Variants in COL19A1 observed in about 807,000 individuals in gnomAD.
The protein encoded by COL19A1 is collagen alpha-1(XIX) chain.
COL19A1 carries 159 observed loss-of-function variants against 190.2 expected under a neutral mutation model. That is an observed-to-expected ratio of 0.84 (90% confidence interval 0.73 to 0.95). The LOEUF (loss-of-function observed/expected upper bound fraction) is 0.95, where lower values mean the gene tolerates loss of function less well. Ranked by LOEUF, COL19A1 falls within the 40% of genes least tolerant of loss-of-function variation. The probability of loss-of-function intolerance (pLI) is 0.00; values close to 1 mark genes in which losing one functional copy is unlikely to be tolerated. For synonymous variants in COL19A1, 509 were observed against 458.9 expected, an observed-to-expected ratio of 1.11 and a Z score of -1.39; for missense variants, 1,418 against 1,431.9, an observed-to-expected ratio of 0.99 and a Z score of 0.16.
chr6:70,064,043 G>C (rs1781018004), intron 14 of COL19A1, among the ~76,000 whole-genome samples: 1 of 152,108 alleles, frequency 6.6e-6, no homozygotes, highest in African/African-American at 2.4e-5. Context: ...AATTCTACCA[G>C]AGGTACAAGG....
chr6:70,143,247 C>G (rs1419314293), intron 23 of COL19A1, among the ~76,000 whole-genome samples: 2 of 152,090 alleles, frequency 1.3e-5, no homozygotes, highest in African/African-American at 4.8e-5. Context: ...CTAGCAAAAG[C>G]CTTCCAAAAA....
At chr6:70,036,692 T>C (rs996060782) in intron 14 of COL19A1, among the ~76,000 whole-genome samples, 6 of 152,262 alleles carry the variant, frequency 3.9e-5, no homozygotes, top group African/African-American at 1.4e-4. Flanking sequence ...AGATCTTCTA[T>C]AGCCTGAAGT....
At chr6:69,929,077 T>C (rs1772581300) in intron 5 of COL19A1, among the ~76,000 whole-genome samples, 1 of 151,902 alleles carries the variant, frequency 6.6e-6, no homozygotes, top group Non-Finnish European at 1.5e-5. Context: ...TTATATATCT[T>C]ATAAAATTTT....
At chr6:70,034,202 A>T in intron 12 of COL19A1, 43 bp from the exon 13 acceptor site, 1 of 1,382,336 alleles carries the variant, frequency 7.2e-7, no homozygotes, top group Non-Finnish European at 1.0e-6. Flanking sequence ...GTTAGAAATT[A>T]AAGCTTTCTG....
At chr6:70,142,640 G>C in intron 22 of COL19A1, 127 bp from the exon 23 acceptor site, 1 of 701,334 alleles carries the variant, frequency 1.4e-6, no homozygotes, top group Non-Finnish European at 2.4e-6. Context: ...AAGTGGGAAA[G>C]TGGGATGGTG....
chr6:69,969,302 G>T (rs1354541934), intron 11 of COL19A1, among the ~76,000 whole-genome samples: 10 of 152,100 alleles, frequency 6.6e-5, no homozygotes, highest in Non-Finnish European at 1.5e-4. Flanking sequence ...ATAGTAGTTA[G>T]CTACTGATAT....
intron 40 of COL19A1, among the ~76,000 whole-genome samples, chr6:70,169,145 A>G (rs1203896259): frequency 2.0e-5 from 3 of 152,120 alleles, no homozygotes; most frequent in Non-Finnish European, 2.9e-5. Context: ...GTTTTGTCAT[A>G]AGGCTGCTTA....
chr6:70,088,027 C>G (rs1416496096), intron 15 of COL19A1, among the ~76,000 whole-genome samples: 1 of 152,120 alleles, frequency 6.6e-6, no homozygotes, highest in Non-Finnish European at 1.5e-5. Flanking sequence ...GTTCAGCCAC[C>G]TTCTACGTGC....
At chr6:70,175,570 A>G (rs926521146) in intron 41 of COL19A1, among the ~76,000 whole-genome samples, 1 of 152,012 alleles carries the variant, frequency 6.6e-6, no homozygotes, top group African/African-American at 2.4e-5. Context: ...TCTGTTTCTG[A>G]TATTTCTGTT....
intron 11 of COL19A1, among the ~76,000 whole-genome samples, chr6:70,020,676 T>C (rs932375683): frequency 4.6e-5 from 7 of 152,114 alleles, no homozygotes; most frequent in Admixed American, 1.3e-4. Context: ...TCTGCAGACA[T>C]TTTTTATTTT....
intron 15 of COL19A1, among the ~76,000 whole-genome samples, chr6:70,082,476 G>A (rs1015467296): frequency 7.9e-5 from 12 of 151,806 alleles, no homozygotes; most frequent in African/African-American, 2.2e-4. Context: ...GCAGTGGTGC[G>A]ATCTTGGCTC....
chr6:69,921,541 CAT>C (rs1771931779), intron 4 of COL19A1, among the ~76,000 whole-genome samples: 1 of 130,066 alleles, frequency 7.7e-6, no homozygotes, highest in Non-Finnish European at 1.6e-5. Flanking sequence ...CATGTATATT[CAT>C]ATATATTCAT....
intron 2 of COL19A1, among the ~76,000 whole-genome samples, chr6:69,881,480 A>G (rs561313045): frequency 2.0e-5 from 3 of 152,226 alleles, no homozygotes; most frequent in Non-Finnish European, 4.4e-5. Context: ...GATGTCTAGA[A>G]CGTAATCATC....
chr6:69,941,095 C>T (rs1184366758), intron 9 of COL19A1, among the ~76,000 whole-genome samples: 1 of 152,114 alleles, frequency 6.6e-6, no homozygotes, highest in Non-Finnish European at 1.5e-5. Flanking sequence ...TGCAATGTTA[C>T]TAAGGGAATC....
chr6:70,149,840 T>C lies in COL19A1; in HGVS notation c.1930-11T>C. On this transcript the variant is annotated splice_polypyrimidine_tract_variant and intron_variant, in intron 28 of 50. Transcript: ENST00000620364. Reference sequence around the variant, plus strand: ...TCATAAGTAACTGTTTTTATTTCCCTCCTTTTCCAGGGTCCTCGAGGTCTC... The same window carrying C: ...TCATAAGTAACTGTTTTTATTTCCCCCCTTTTCCAGGGTCCTCGAGGTCTC... 1 of 1,613,652 alleles carries C rather than the reference T, an allele frequency of 6.2e-7. No homozygotes were observed.
chr6:70,192,884 G>A lies in COL19A1; in HGVS notation c.3094+2503G>A, dbSNP rs756604465. On this transcript the variant is annotated intron_variant, in intron 48 of 50. Transcript: ENST00000620364. ...CAACCATGAAAAGAGAAATGCCAGC[G>A]TATGTGTATTTTTGAATTGCAATCT... 7.9e-5 allele frequency among the ~76,000 whole-genome samples: 12 copies of A among 152,262 alleles called. No individual in the cohort carries two copies. In the South Asian group the frequency reaches 1.0e-3, roughly 13 times the overall value.
intron 2 of COL19A1, among the ~76,000 whole-genome samples, chr6:69,892,654 G>A (rs2149962257): frequency 6.6e-6 from 1 of 152,300 alleles, no homozygotes; most frequent in South Asian, 2.1e-4. Context: ...TGTAAGTTGA[G>A]TGATCCTCTC....
chr6:70,174,830 T>C (rs1052331833), intron 41 of COL19A1, among the ~76,000 whole-genome samples: 3 of 152,074 alleles, frequency 2.0e-5, no homozygotes, highest in African/African-American at 7.2e-5. Context: ...GTACCATCAA[T>C]GGATTAGGGT....
chr6:70,062,273 T>C (rs72914597), intron 14 of COL19A1, among the ~76,000 whole-genome samples: 3 of 152,156 alleles, frequency 2.0e-5, no homozygotes, highest in Non-Finnish European at 4.4e-5. Context: ...TAATTTATAC[T>C]GAACTCTGAG....
Sources: allele counts gnomAD v4.1 joint callset (sites outside exome capture counted in the v4.1 genomes callset), GRCh38; gene constraint gnomAD v4.1.1; transcripts MANE v1.5; gene names NCBI Gene and HGNC (gene_info 2026-07-23, HGNC 2026-07-21).